Variants in ASAP2 observed in about 807,000 individuals in gnomAD.
ASAP2 encodes the protein ArfGAP with SH3 domain, ankyrin repeat and PH domain 2.
In ASAP2, 45 loss-of-function variants were observed where a neutral mutation model predicts 131.4. That is an observed-to-expected ratio of 0.34 (90% CI 0.27 to 0.44). ASAP2 has a LOEUF of 0.44. Among genes scored for constraint, ASAP2 ranks in the 20% least tolerant of loss-of-function variants. The pLI is 1.00. For missense variants in ASAP2, 1,011 were observed against 1,297.0 expected (o/e 0.78, Z 3.39); for synonymous variants, 510 against 503.0 (o/e 1.01, Z -0.19).
At chr2:9,401,430 G>A in intron 27 of ASAP2, 34 bp downstream of exon 27, 5 of 1,608,150 alleles carry the variant, frequency 3.1e-6, no homozygotes, top group Non-Finnish European at 4.2e-6. Flanking sequence ...GGTTCCTGGG[G>A]GCTGAGCCAC....
intron 9 of ASAP2, among the ~76,000 whole-genome samples, chr2:9,340,570 G>C (rs13398867): frequency 0.02 from 3,104 of 152,322 alleles, 110 homozygotes; most frequent in African/African-American, 0.071. Flanking sequence ...CATGTGGGTG[G>C]ACATACCTGT....
At chr2:9,230,683 G>C (rs1381855290) in intron 1 of ASAP2, among the ~76,000 whole-genome samples, 2 of 152,234 alleles carry the variant, frequency 1.3e-5, no homozygotes, top group African/African-American at 4.8e-5. Context: ...TTCCATCACA[G>C]CTGGGAGTAA....
chr2:9,398,203 C>G (rs1676336343), intron 24 of ASAP2, among the ~76,000 whole-genome samples: 1 of 151,902 alleles, frequency 6.6e-6, no homozygotes, highest in Non-Finnish European at 1.5e-5. Flanking sequence ...ATACTTGAAA[C>G]AGAGATGCTA....
intron 1 of ASAP2, among the ~76,000 whole-genome samples, chr2:9,266,002 G>C (rs922558030): frequency 6.7e-6 from 1 of 149,250 alleles, no homozygotes; most frequent in African/African-American, 2.4e-5. Flanking sequence ...TTGAACTCCT[G>C]ACCTCAAGTG....
intron 27 of ASAP2, 106 bp downstream of exon 27, chr2:9,401,502 C>A: frequency 7.0e-7 from 1 of 1,422,126 alleles, no homozygotes; most frequent in Non-Finnish European, 9.4e-7. Context: ...CCTGAGCAGT[C>A]CAGATGTAGT....
chr2:9,214,777 TAAAAA>T (rs34474684), intron 1 of ASAP2, among the ~76,000 whole-genome samples: 5 of 103,074 alleles, frequency 4.9e-5, no homozygotes, highest in African/African-American at 1.7e-4. Context: ...CCTGGACGTC[TAAAAA>T]AAAAAAAAAA....
chr2:9,269,579 A>G (rs368889305), intron 1 of ASAP2, among the ~76,000 whole-genome samples: 2 of 152,114 alleles, frequency 1.3e-5, no homozygotes, highest in Non-Finnish European at 2.9e-5. Context: ...CCACGGGGGA[A>G]CCATGGCCAG....
At chr2:9,215,322 A>G (rs527856827) in intron 1 of ASAP2, among the ~76,000 whole-genome samples, 40 of 152,330 alleles carry the variant, frequency 2.6e-4, no homozygotes, top group Admixed American at 2.2e-3. Context: ...AAATTCAGTT[A>G]GGAGAATATT....
chr2:9,275,878 C>T (rs1165465391), intron 1 of ASAP2, among the ~76,000 whole-genome samples: 1 of 152,186 alleles, frequency 6.6e-6, no homozygotes, highest in African/African-American at 2.4e-5. Flanking sequence ...TTGATATTTT[C>T]TATAACCTAA....
intron 2 of ASAP2, among the ~76,000 whole-genome samples, chr2:9,286,447 A>AAATATATATATATATATATATAT (rs58605449): frequency 8.1e-5 from 12 of 148,488 alleles, no homozygotes; most frequent in African/African-American, 3.0e-4. Flanking sequence ...GAAAAAAAAA[A>AAATATATATATATATATATATAT]ATATATATAT....
intron 3 of ASAP2, among the ~76,000 whole-genome samples, chr2:9,312,806 C>T (rs1168875121): frequency 6.6e-6 from 1 of 152,204 alleles, no homozygotes; most frequent in Non-Finnish European, 1.5e-5. Context: ...TCTCCTGCCA[C>T]CACTGCGGCC....
rs75477140 is a variant in ASAP2, at chr2:9,229,741, G to C, written c.126+22511G>C. Among the ~76,000 whole-genome samples the C allele has an allele frequency of 3.0e-3, 459 of 152,344 alleles. 4 individuals carry two copies. Among genetic ancestry groups the C allele is most frequent in the African/African-American group, 0.01 (433 of 41,578 alleles). ...TAGTTGATAGCAAAGGGAGACTGGA[G>C]AGAGCATTCTGCAGGGGGACAAAGT... On this transcript the variant is annotated intron_variant, in intron 1 of 27. Coordinates refer to ENST00000281419, the MANE Select transcript of ASAP2 (RefSeq NM_003887.3).
chr2:9,286,177 G>A (rs190480645), intron 2 of ASAP2, among the ~76,000 whole-genome samples: 44 of 152,168 alleles, frequency 2.9e-4, no homozygotes, highest in African/African-American at 8.9e-4. Context: ...CAGATGGATC[G>A]CTTGAGCTCA....
intron 16 of ASAP2, among the ~76,000 whole-genome samples, chr2:9,371,716 G>A (rs1413213205): frequency 6.6e-6 from 1 of 151,978 alleles, no homozygotes; most frequent in African/African-American, 2.4e-5. Context: ...CTGTGACTTG[G>A]GACCATTATA....
At chr2:9,285,540 T>C (rs1275733799) in intron 2 of ASAP2, among the ~76,000 whole-genome samples, 5 of 152,266 alleles carry the variant, frequency 3.3e-5, no homozygotes, top group Admixed American at 3.3e-4. Context: ...GTTGTCATAA[T>C]GATTTATGAG....
intron 1 of ASAP2, among the ~76,000 whole-genome samples, chr2:9,278,267 T>A (rs1558290353): frequency 6.6e-6 from 1 of 151,996 alleles, no homozygotes; most frequent in Non-Finnish European, 1.5e-5. Context: ...TTACCCAGCA[T>A]GTTGGGAGGT....
chr2:9,361,396 A>G (rs1044484206), intron 15 of ASAP2, among the ~76,000 whole-genome samples: 1 of 152,108 alleles, frequency 6.6e-6, no homozygotes, highest in Non-Finnish European at 1.5e-5. Context: ...TTTGTATGCT[A>G]GGAGTGTGGT....
chr2:9,344,801 G>GT lies in ASAP2; in HGVS notation c.1023+2dup, dbSNP rs777760631. The GT allele has an allele frequency of 1.9e-6, 3 of 1,611,086 alleles. No individual in the cohort carries two copies. Among genetic ancestry groups the GT allele is most frequent in the Non-Finnish European group, 2.5e-6 (3 of 1,177,674 alleles). The stretch of plus-strand genomic sequence containing the variant: ...TTTTCTGACCATATCCCATGGTACC[G>GT]TAAGTATTCTCTTTTAATCCATGGT... On this transcript the variant is annotated splice_donor_variant, in intron 11 of 27. Coordinates refer to ENST00000281419, the MANE Select transcript of ASAP2 (RefSeq NM_003887.3). LOFTEE classifies it high-confidence loss of function.
At chr2:9,239,828 G>A (rs748205150) in intron 1 of ASAP2, among the ~76,000 whole-genome samples, 34 of 151,862 alleles carry the variant, frequency 2.2e-4, no homozygotes, top group Non-Finnish European at 4.3e-4. Context: ...CTGGGCTCAA[G>A]TGATCCACCC....
Sources: allele counts gnomAD v4.1 joint callset (sites outside exome capture counted in the v4.1 genomes callset), GRCh38; gene constraint gnomAD v4.1.1; transcripts MANE v1.5; gene names NCBI Gene and HGNC (gene_info 2026-07-23, HGNC 2026-07-21).